Variants in CLSTN2 observed in about 807,000 individuals in gnomAD.
The protein encoded by CLSTN2 is calsyntenin-2.
Under a neutral mutation model 101.2 loss-of-function variants are expected in CLSTN2, and 48 were observed. The ratio of observed to expected loss-of-function variants is 0.47; its 90% CI spans 0.38 to 0.60. The LOEUF is 0.60. Among genes scored for constraint, CLSTN2 ranks in the 20% least tolerant of loss-of-function variants. CLSTN2 has a pLI of 0.00. For missense variants in CLSTN2, 1,160 were observed against 1,238.2 expected (o/e 0.94, Z 0.95); for synonymous variants, 481 against 463.6 (o/e 1.04, Z -0.48).
chr3:139,961,783 T>C (rs1399922236), intron 1 of CLSTN2, among the ~76,000 whole-genome samples: 1 of 152,180 alleles, frequency 6.6e-6, no homozygotes, highest in Non-Finnish European at 1.5e-5. Context: ...ACATTTTAAA[T>C]TTTGCATTAA....
chr3:140,514,474 ATACATATACATATAC>A (rs1049798668), intron 8 of CLSTN2, among the ~76,000 whole-genome samples: 5 of 152,206 alleles, frequency 3.3e-5, no homozygotes, highest in African/African-American at 4.8e-5. Context: ...AGAGGTATTC[ATACATATACATATAC>A]TACATATACA....
intron 1 of CLSTN2, among the ~76,000 whole-genome samples, chr3:140,079,206 A>G (rs748076135): frequency 7.2e-5 from 11 of 152,150 alleles, no homozygotes; most frequent in Non-Finnish European, 1.5e-4. Flanking sequence ...TGATGCCATC[A>G]TTATCTTGGT....
intron 2 of CLSTN2, among the ~76,000 whole-genome samples, chr3:140,204,318 C>T (rs144131669): frequency 1.5e-3 from 236 of 152,288 alleles, no homozygotes; most frequent in Middle Eastern, 3.4e-3. Context: ...CCAGACCTCA[C>T]GGCTTATCAT....
chr3:140,318,908 T>C (rs945550900), intron 2 of CLSTN2, among the ~76,000 whole-genome samples: 1 of 152,216 alleles, frequency 6.6e-6, no homozygotes, highest in Non-Finnish European at 1.5e-5. Flanking sequence ...TCTGAGTTCT[T>C]GGAGGACAAT....
At chr3:140,306,338 C>T (rs773495951) in intron 2 of CLSTN2, among the ~76,000 whole-genome samples, 1 of 152,180 alleles carries the variant, frequency 6.6e-6, no homozygotes, top group Admixed American at 6.5e-5. Context: ...ACTATCACCT[C>T]CTTCATTAGA....
rs1985266568 is a variant in CLSTN2, at chr3:140,566,825, T to C, written c.*572T>C. 6.4e-6 allele frequency: 1 copy of C among 155,152 alleles called. No homozygotes were observed. Among genetic ancestry groups the C allele is most frequent in the African/African-American group, 2.4e-5 (1 of 41,482 alleles). The allele number at this position is 155,152 out of a possible 1,614,324, so 9.6% of individuals were successfully genotyped here. ...CATTCTCTCTCTCTCTCTCTCTCTGTCTATCTAGTTCCCCAGCTTGGAGAG... is the reference window on the plus strand; with the variant it reads ...CATTCTCTCTCTCTCTCTCTCTCTGCCTATCTAGTTCCCCAGCTTGGAGAG... On this transcript the variant is annotated 3_prime_UTR_variant, in exon 17 of 17. Coordinates refer to ENST00000458420, the MANE Select transcript of CLSTN2 (RefSeq NM_022131.3).
chr3:140,306,885 A>T (rs1233679531), intron 2 of CLSTN2, among the ~76,000 whole-genome samples: 2 of 127,454 alleles, frequency 1.6e-5, no homozygotes, highest in African/African-American at 2.7e-5. Flanking sequence ...ATTATTATTT[A>T]TTTTTTCTTC....
At chr3:140,305,695 T>C (rs539028560) in intron 2 of CLSTN2, among the ~76,000 whole-genome samples, 34 of 152,166 alleles carry the variant, frequency 2.2e-4, no homozygotes, top group African/African-American at 7.0e-4. Flanking sequence ...AATAGAGCAA[T>C]GTGCAGCCAT....
At chr3:140,387,662 C>G in intron 2 of CLSTN2, among the ~76,000 whole-genome samples, 1 of 152,192 alleles carries the variant, frequency 6.6e-6, no homozygotes, top group East Asian at 1.9e-4. Flanking sequence ...AAAAACATCA[C>G]ACATTTTCTT....
At chr3:140,237,098 T>C (rs746861142) in intron 2 of CLSTN2, among the ~76,000 whole-genome samples, 3 of 152,128 alleles carry the variant, frequency 2.0e-5, no homozygotes, top group Non-Finnish European at 2.9e-5. Context: ...CTTTATGTTG[T>C]TTAGTTAGTA....
chr3:140,141,357 C>T (rs1014145878), intron 1 of CLSTN2, among the ~76,000 whole-genome samples: 10 of 152,272 alleles, frequency 6.6e-5, no homozygotes, highest in Admixed American at 2.0e-4. Context: ...AAACTGCTTG[C>T]CATCAGCAGA....
chr3:140,206,798 T>C (rs1235061867), intron 2 of CLSTN2, among the ~76,000 whole-genome samples: 1 of 152,148 alleles, frequency 6.6e-6, no homozygotes, highest in East Asian at 1.9e-4. Context: ...ATGGGCCTTT[T>C]TCTCTTTTGA....
At chr3:140,207,158 G>T (rs1205069337) in intron 2 of CLSTN2, among the ~76,000 whole-genome samples, 2 of 152,130 alleles carry the variant, frequency 1.3e-5, no homozygotes, top group African/African-American at 4.8e-5. Flanking sequence ...AGCTTCTGGG[G>T]TGTTTGCATT....
chr3:140,217,270 T>C (rs916247022), intron 2 of CLSTN2, among the ~76,000 whole-genome samples: 1 of 152,196 alleles, frequency 6.6e-6, no homozygotes, highest in Non-Finnish European at 1.5e-5. Context: ...TATTTCACTC[T>C]TCTAGAAGCA....
intron 12 of CLSTN2, among the ~76,000 whole-genome samples, chr3:140,559,234 G>A (rs1003326156): frequency 1.3e-5 from 2 of 151,508 alleles, no homozygotes; most frequent in East Asian, 1.9e-4. Flanking sequence ...TATTCTCTGA[G>A]AGGCATAACG....
chr3:140,471,619 T>C (rs372629591), intron 8 of CLSTN2, among the ~76,000 whole-genome samples: 1 of 152,190 alleles, frequency 6.6e-6, no homozygotes, highest in Non-Finnish European at 1.5e-5. Flanking sequence ...CCAGTTTACA[T>C]ATCCTTGGGA....
intron 8 of CLSTN2, among the ~76,000 whole-genome samples, chr3:140,530,393 G>A (rs878955585): frequency 3.3e-5 from 5 of 152,168 alleles, no homozygotes; most frequent in Admixed American, 3.3e-4. Context: ...AGTTATTATA[G>A]TTTGAGAATC....
intron 2 of CLSTN2, among the ~76,000 whole-genome samples, chr3:140,288,973 C>T (rs2107901832): frequency 6.6e-6 from 1 of 152,316 alleles, no homozygotes; most frequent in African/African-American, 2.4e-5. Flanking sequence ...TTCCTCTTCA[C>T]CTGGGTCAGC....
At chr3:140,008,678 A>G (rs1296676176) in intron 1 of CLSTN2, among the ~76,000 whole-genome samples, 1 of 152,206 alleles carries the variant, frequency 6.6e-6, no homozygotes, top group Non-Finnish European at 1.5e-5. Flanking sequence ...TTTCAAAGTT[A>G]ACAGAATTTT....
Sources: gnomAD v4.1 joint callset for allele counts (sites outside exome capture counted in the v4.1 genomes callset) on GRCh38, gnomAD v4.1.1 for gene constraint, MANE v1.5 for transcripts, NCBI Gene and HGNC (gene_info 2026-07-23, HGNC 2026-07-21) for gene names.